Variants in ABL1 observed in about 807,000 individuals in gnomAD.
ABL1 encodes ABL proto-oncogene 1, non-receptor tyrosine kinase.
Under a neutral mutation model 94.7 loss-of-function variants are expected in ABL1, and 11 were observed. The observed-to-expected ratio is 0.12, with a 90% CI of 0.07 to 0.19. The LOEUF (loss-of-function observed/expected upper bound fraction) is 0.19. ABL1 is among the 10% of genes least tolerant of loss of function. ABL1 has a pLI of 1.00. For missense variants in ABL1, 1,082 were observed against 1,489.4 expected, an observed-to-expected ratio of 0.73 and a Z score of 4.50; for synonymous variants, 656 against 622.4, an observed-to-expected ratio of 1.05 and a Z score of -0.80.
At chr9:130,859,488 C>T (rs550708885) in intron 3 of ABL1, among the ~76,000 whole-genome samples, 9 of 151,434 alleles carry the variant, frequency 5.9e-5, no homozygotes, top group Admixed American at 2.0e-4. Context: ...TTGTGTACTG[C>T]GAGGCTTGCC....
At chr9:130,717,977 A>G (rs1588208588) in intron 1 of ABL1, among the ~76,000 whole-genome samples, 2 of 147,890 alleles carry the variant, frequency 1.4e-5, no homozygotes, top group Middle Eastern at 3.6e-3. Flanking sequence ...ACGCCATTGC[A>G]CTCCAGCCTG....
At chr9:130,807,964 GT>G (rs1267047128) in intron 1 of ABL1, among the ~76,000 whole-genome samples, 3 of 150,826 alleles carry the variant, frequency 2.0e-5, no homozygotes, top group Non-Finnish European at 4.4e-5. Context: ...TTTTCAAAGT[GT>G]TGGGATTACA....
chr9:130,808,837 G>C (rs1830166668), intron 1 of ABL1, among the ~76,000 whole-genome samples: 1 of 152,102 alleles, frequency 6.6e-6, no homozygotes, highest in Non-Finnish European at 1.5e-5. Flanking sequence ...TAAGCTAATG[G>C]GGCTCAGATT....
At chr9:130,743,879 A>C (rs1831850548) in intron 1 of ABL1, among the ~76,000 whole-genome samples, 1 of 152,062 alleles carries the variant, frequency 6.6e-6, no homozygotes, top group African/African-American at 2.4e-5. Flanking sequence ...TGTCCTGTAA[A>C]GAGGTAGGGG....
intron 1 of ABL1, among the ~76,000 whole-genome samples, chr9:130,808,582 G>C (rs1386353213): frequency 6.6e-6 from 1 of 152,126 alleles, no homozygotes; most frequent in Admixed American, 6.6e-5. Flanking sequence ...CAGGTAGGTA[G>C]GTAGGCAGGT....
chr9:130,715,798 T>C (rs1039044337), intron 1 of ABL1, among the ~76,000 whole-genome samples: 3 of 151,916 alleles, frequency 2.0e-5, no homozygotes, highest in Admixed American at 2.0e-4. Context: ...AGCAGTGTAG[T>C]TCCCTGTGTG....
intron 10 of ABL1, among the ~76,000 whole-genome samples, chr9:130,883,436 G>A (rs963184566): frequency 1.4e-4 from 21 of 151,620 alleles, no homozygotes; most frequent in African/African-American, 5.1e-4. Flanking sequence ...GGCGGAGGTT[G>A]CAGTGAGCTG....
intron 1 of ABL1, among the ~76,000 whole-genome samples, chr9:130,809,405 AGAGAGAGAGAGAGTGT>A (rs1199309497): frequency 3.3e-4 from 40 of 121,878 alleles, no homozygotes; most frequent in Non-Finnish European, 6.3e-4. Context: ...AGAGAGAGAG[AGAGAGAGAGAGAGTGT>A]GTGTGTGTGT....
chr9:130,846,081 C>CTGTCTG (rs1830765163), intron 1 of ABL1, among the ~76,000 whole-genome samples: 1 of 148,062 alleles, frequency 6.8e-6, no homozygotes, highest in South Asian at 2.2e-4. Context: ...AAACGTATGT[C>CTGTCTG]TGTGTGTGTG....
In ABL1 at chr9:130,872,234, G is replaced by A. The variant is rs758175404; in HGVS notation, c.907+21G>A. Reference sequence around the variant, plus strand: ...CCTTGGTGAGTAAGCCCGGGGCTCTGAAGAGAGGGTCTCGCGCCGCACCCC... The same window carrying A: ...CCTTGGTGAGTAAGCCCGGGGCTCTAAAGAGAGGGTCTCGCGCCGCACCCC... On this transcript the variant is annotated intron_variant, in intron 5 of 10. Transcript: ENST00000318560. This position sits in a 1 kb window ranked among gnomAD's most constrained non-coding sequence, Gnocchi z 5.0. The A allele has an allele frequency of 1.2e-6, 2 of 1,608,224 alleles. No individual in the cohort carries two copies. Among genetic ancestry groups the A allele is most frequent in the African/African-American group, 2.7e-5 (2 of 74,856 alleles).
intron 1 of ABL1, among the ~76,000 whole-genome samples, chr9:130,809,417 A>AGAGAGAGAGAGTGTGT (rs1389499231): frequency 1.2e-5 from 1 of 84,306 alleles, no homozygotes; most frequent in South Asian, 5.3e-4. Context: ...AGAGAGAGAG[A>AGAGAGAGAGAGTGTGT]GTGTGTGTGT....
intron 1 of ABL1, among the ~76,000 whole-genome samples, chr9:130,842,841 G>C (rs1020123245): frequency 6.6e-6 from 1 of 152,238 alleles, no homozygotes; most frequent in Non-Finnish European, 1.5e-5. Flanking sequence ...CCACTGCAGG[G>C]ATTCCTGGAA....
At chr9:130,784,637 G>C (rs965786751) in intron 1 of ABL1, among the ~76,000 whole-genome samples, 4 of 152,144 alleles carry the variant, frequency 2.6e-5, no homozygotes, top group Non-Finnish European at 4.4e-5. Flanking sequence ...GTCTGGTCTG[G>C]TCTGGTCCCT....
chr9:130,715,490 C>T (rs1364285345), intron 1 of ABL1, among the ~76,000 whole-genome samples: 3 of 152,150 alleles, frequency 2.0e-5, no homozygotes, highest in Non-Finnish European at 4.4e-5. Context: ...TACTTTCTTA[C>T]GGGAAAATAT....
At chr9:130,734,218 C>CTTTTTTT in intron 1 of ABL1, among the ~76,000 whole-genome samples, 1 of 143,896 alleles carries the variant, frequency 6.9e-6, no homozygotes, top group African/African-American at 2.6e-5. Flanking sequence ...ATTGAATATT[C>CTTTTTTT]TTTTTTTTTT....
chr9:130,873,735 T>C (rs547568121), intron 6 of ABL1, among the ~76,000 whole-genome samples: 95 of 152,324 alleles, frequency 6.2e-4, no homozygotes, highest in African/African-American at 2.0e-3. Context: ...AGCGACGGCC[T>C]GTGCAGGACA....
At chr9:130,764,449 G>A (rs1240322016) in intron 1 of ABL1, among the ~76,000 whole-genome samples, 1 of 152,186 alleles carries the variant, frequency 6.6e-6, no homozygotes, top group Non-Finnish European at 1.5e-5. Flanking sequence ...TTGGGGGACT[G>A]TGCTTTGTGC....
intron 8 of ABL1, among the ~76,000 whole-genome samples, chr9:130,879,379 C>T (rs1831413728): frequency 1.3e-5 from 2 of 152,212 alleles, no homozygotes; most frequent in Admixed American, 1.3e-4. Flanking sequence ...GCCCAGTACT[C>T]CATTTCACTC....
intron 1 of ABL1, among the ~76,000 whole-genome samples, chr9:130,779,855 C>G (rs1030335265): frequency 6.6e-6 from 1 of 152,160 alleles, no homozygotes; most frequent in South Asian, 2.1e-4. Context: ...GCGGGCAAAC[C>G]TGACAGCTAG....
Sources: gnomAD v4.1 joint callset for allele counts (sites outside exome capture counted in the v4.1 genomes callset) on GRCh38, gnomAD v4.1.1 for gene constraint, Gnocchi (gnomAD v3.1) non-coding constraint, MANE v1.5 for transcripts, NCBI Gene and HGNC (gene_info 2026-07-23, HGNC 2026-07-21) for gene names.